Variants in DENND2B observed in about 807,000 individuals in gnomAD.
The protein encoded by DENND2B is DENN domain-containing protein 2B.
In DENND2B, 32 loss-of-function variants were observed where a neutral mutation model predicts 116.0. The observed-to-expected ratio is 0.28, with a 90% CI of 0.21 to 0.37. DENND2B has a LOEUF of 0.37. DENND2B is among the 10% of genes least tolerant of loss of function. The probability of loss-of-function intolerance (pLI) is 1.00; values close to 1 mark genes in which losing one functional copy is unlikely to be tolerated. For synonymous variants in DENND2B, 588 were observed against 583.9 expected, an observed-to-expected ratio of 1.01 and a Z score of -0.10; for missense variants, 1,276 against 1,477.7, an observed-to-expected ratio of 0.86 and a Z score of 2.24.
At chr11:8,906,725 T>C (rs565236052) in intron 1 of DENND2B, among the ~76,000 whole-genome samples, 1 of 152,282 alleles carries the variant, frequency 6.6e-6, no homozygotes, top group South Asian at 2.1e-4. Flanking sequence ...ATCATCAAGA[T>C]GACAATTTTG....
intron 1 of DENND2B, chr11:8,757,279 T>C: frequency 2.8e-6 from 1 of 360,660 alleles, no homozygotes; most frequent in South Asian, 2.1e-5. Flanking sequence ...AAAATGTTTG[T>C]TCTTCCAGAT....
At chr11:8,770,905 C>G (rs901643870) in intron 1 of DENND2B, among the ~76,000 whole-genome samples, 1 of 152,266 alleles carries the variant, frequency 6.6e-6, no homozygotes, top group South Asian at 2.1e-4. Flanking sequence ...CAGGGAAGTA[C>G]GCACACCCCA....
At chr11:8,864,511 C>A (rs1454455531) in intron 2 of DENND2B, among the ~76,000 whole-genome samples, 1 of 152,218 alleles carries the variant, frequency 6.6e-6, no homozygotes, top group Non-Finnish European at 1.5e-5. Flanking sequence ...TTCAAGCAAT[C>A]CTCCCAATTT....
At chr11:8,700,700 C>A (rs1407414833) in intron 14 of DENND2B, among the ~76,000 whole-genome samples, 8 of 152,176 alleles carry the variant, frequency 5.3e-5, no homozygotes, top group Admixed American at 2.6e-4. Context: ...GGGATGGATT[C>A]TTTGACCAAA....
intron 1 of DENND2B, among the ~76,000 whole-genome samples, chr11:8,807,637 G>A (rs1235313780): frequency 6.6e-6 from 1 of 152,222 alleles, no homozygotes; most frequent in African/African-American, 2.4e-5. Context: ...GAAAGAGGGA[G>A]TGAGAACAGG....
At chr11:8,695,181 A>G (rs920990428) in intron 19 of DENND2B, among the ~76,000 whole-genome samples, 5 of 152,262 alleles carry the variant, frequency 3.3e-5, no homozygotes, top group Admixed American at 2.6e-4. Flanking sequence ...ATATGCAAAT[A>G]CTATGCCATT....
At chr11:8,828,388 C>G (rs911891390) in intron 4 of DENND2B, among the ~76,000 whole-genome samples, 4 of 152,190 alleles carry the variant, frequency 2.6e-5, no homozygotes, top group Non-Finnish European at 5.9e-5. Flanking sequence ...CCTCCTGCCC[C>G]CCAGGATGCA....
intron 1 of DENND2B, among the ~76,000 whole-genome samples, chr11:8,891,070 G>T (rs1264851661): frequency 6.6e-6 from 1 of 152,228 alleles, no homozygotes; most frequent in Non-Finnish European, 1.5e-5. Context: ...AGCCAGAAAA[G>T]AGTGGGGGCC....
At position 8,699,366 on chromosome 11, in the gene DENND2B, C is replaced by T. The variant is rs573202628; in HGVS notation, c.2745G>A (p.Ala915=). The T allele has an allele frequency of 1.6e-5, 26 of 1,604,792 alleles. No individual in the cohort carries two copies. The highest frequency in any genetic ancestry group is 1.3e-4 in the South Asian group (12 of 89,956). The part of the protein sequence containing the change: ...KLSTLSSCSH[A]VVALLYPFSW... Reference sequence around the variant, plus strand: ...AGAAGGGGTAGAGCAAGGCCACCACCGCGTGGGAGCAGCTGGAGAGGGTAC... The same window carrying T: ...AGAAGGGGTAGAGCAAGGCCACCACTGCGTGGGAGCAGCTGGAGAGGGTAC... Residue 915 remains alanine (A), a synonymous_variant, in exon 15 of 20, where the codon GCG becomes GCA. Transcript: ENST00000313726.
At chr11:8,847,600 C>A (rs764333456) in intron 3 of DENND2B, among the ~76,000 whole-genome samples, 1 of 152,086 alleles carries the variant, frequency 6.6e-6, no homozygotes, top group Admixed American at 6.5e-5. Flanking sequence ...AAAAGCTAAT[C>A]CCTGTAATGG....
At chr11:8,901,222 T>TTCTTC (rs2064164366) in intron 1 of DENND2B, among the ~76,000 whole-genome samples, 1 of 54,798 alleles carries the variant, frequency 1.8e-5, no homozygotes, top group Non-Finnish European at 4.1e-5. Flanking sequence ...TTCTTTTCTT[T>TTCTTC]TCTTTTCTTT....
chr11:8,829,732 A>C (rs919470777), intron 4 of DENND2B, among the ~76,000 whole-genome samples: 1 of 152,054 alleles, frequency 6.6e-6, no homozygotes, highest in African/African-American at 2.4e-5. Flanking sequence ...GGCCTATATC[A>C]CGGGTCCCGC....
intron 1 of DENND2B, among the ~76,000 whole-genome samples, chr11:8,759,585 A>T (rs765129115): frequency 2.6e-5 from 4 of 152,230 alleles, no homozygotes; most frequent in Non-Finnish European, 5.9e-5. Flanking sequence ...CTAAAGGGAC[A>T]GAGAAGGTGG....
At chr11:8,731,796 A>C (rs763143579) in intron 2 of DENND2B, among the ~76,000 whole-genome samples, 2 of 152,174 alleles carry the variant, frequency 1.3e-5, no homozygotes, top group Non-Finnish European at 2.9e-5. Context: ...GGTAGTATAA[A>C]TATTCCAACT....
At chr11:8,803,315 G>C (rs1184649835) in intron 1 of DENND2B, among the ~76,000 whole-genome samples, 1 of 152,168 alleles carries the variant, frequency 6.6e-6, no homozygotes, top group African/African-American at 2.4e-5. Flanking sequence ...AACCCGGGAG[G>C]TGGAGGCTGC....
chr11:8,745,168 C>A (rs752758475), intron 2 of DENND2B, among the ~76,000 whole-genome samples: 1 of 152,126 alleles, frequency 6.6e-6, no homozygotes, highest in African/African-American at 2.4e-5. Flanking sequence ...GATCCTCCCA[C>A]CCCAATCTCC....
At chr11:8,718,693 G>A (rs1029283795) in intron 4 of DENND2B, 11 of 1,185,884 alleles carry the variant, frequency 9.3e-6, no homozygotes, top group African/African-American at 3.2e-5. Flanking sequence ...GTGGGGGTGA[G>A]GGGAGTTCTT....
intron 1 of DENND2B, among the ~76,000 whole-genome samples, chr11:8,760,742 ATCT>A (rs1202999843): frequency 2.0e-5 from 3 of 152,170 alleles, no homozygotes; most frequent in Non-Finnish European, 4.4e-5. Context: ...TAAATCTTAG[ATCT>A]TCTCCATTCC....
In DENND2B at chr11:8,702,350, G is replaced by A. The variant is rs1307403510; in HGVS notation, c.2720+222C>T. Among the ~76,000 whole-genome samples the A allele has an allele frequency of 6.6e-6, 1 of 152,020 alleles. No homozygotes were observed. Among genetic ancestry groups the A allele is most frequent in the Non-Finnish European group, 1.5e-5 (1 of 67,994 alleles). ...ATCCCTCCCTCTCCCCTCAGGCCAA[G>A]CCCTCCACAGGGTTCTCAATCCTGC... is the stretch of plus-strand genomic sequence containing the variant. On this transcript the variant is annotated intron_variant, in intron 14 of 19. Transcript: ENST00000313726. The surrounding 1 kb of genome is among the most constrained non-coding windows in gnomAD (Gnocchi z 4.6).
Sources: allele counts gnomAD v4.1 joint callset (sites outside exome capture counted in the v4.1 genomes callset), GRCh38; gene constraint gnomAD v4.1.1; non-coding constraint Gnocchi (gnomAD v3.1); transcripts MANE v1.5; gene names NCBI Gene and HGNC (gene_info 2026-07-23, HGNC 2026-07-21).